BMP8A: variants seen among roughly 807,000 people sequenced by gnomAD.
BMP8A encodes bone morphogenetic protein 8a, also known as BMP-8A.
BMP8A carries 14 observed loss-of-function variants against 36.8 expected under a neutral mutation model. The observed-to-expected ratio is 0.38, with a 90% CI of 0.25 to 0.60. The LOEUF is 0.60. BMP8A is among the 20% of genes least tolerant of loss of function. BMP8A has a pLI of 0.63. For synonymous variants in BMP8A, 120 were observed against 237.7 expected (o/e 0.50, Z 4.55); for missense variants, 267 against 551.1 (o/e 0.48, Z 5.16).
At chr1:39,503,597 C>G (rs1225417538) in intron 1 of BMP8A, among the ~76,000 whole-genome samples, 1 of 145,848 alleles carries the variant, frequency 6.9e-6, no homozygotes, top group East Asian at 2.1e-4. Context: ...TCACTGCAAC[C>G]TCTACCTCCC....
intron 1 of BMP8A, among the ~76,000 whole-genome samples, chr1:39,497,259 G>A (rs760010879): frequency 3.9e-5 from 6 of 152,152 alleles, no homozygotes; most frequent in Non-Finnish European, 8.8e-5. Context: ...TCTTGCGTGT[G>A]CCATTTGGGA....
intron 1 of BMP8A, among the ~76,000 whole-genome samples, chr1:39,501,698 A>C (rs547523295): frequency 6.6e-6 from 1 of 152,138 alleles, no homozygotes; most frequent in Non-Finnish European, 1.5e-5. Context: ...TCCTGGCCTC[A>C]AGTGGTCCTC....
intron 6 of BMP8A, chr1:39,523,841 T>C (rs550946835): frequency 4.9e-6 from 3 of 613,812 alleles, no homozygotes; most frequent in East Asian, 4.6e-5. Context: ...CACAGCCTTA[T>C]GTTTTCCTCT....
In BMP8A at chr1:39,492,132, G is replaced by C. The variant is rs2124293764; in HGVS notation, c.141G>C (p.Glu47Asp). The C allele has an allele frequency of 2.4e-6, 3 of 1,240,004 alleles. No homozygotes were observed. The highest frequency in any genetic ancestry group is 3.0e-6 in the Non-Finnish European group (3 of 994,980). 76.8% of individuals were successfully genotyped at this position (1,240,004 alleles called of 1,614,324 possible). The part of the protein sequence containing the change: ...GARERRDVQR[E>D]ILAVLGLPGR... ...GCGAGCGCCGGGACGTGCAGCGCGA[G>C]ATCCTGGCGGTGCTCGGGCTACCCG... The change falls in exon 1 of 7, where the codon GAG becomes GAC. Residue 47 changes from glutamate (E) to aspartate (D), a missense_variant. Glu to Asp is a conservative substitution (Grantham distance 45, BLOSUM62 2). Transcript: ENST00000331593.
Position 39,504,255 on chromosome 1 carries a change from C to T in BMP8A, c.335-6919C>T, listed in dbSNP as rs190891437. Among the ~76,000 whole-genome samples, 721 of 151,344 alleles carry T rather than the reference C, an allele frequency of 4.8e-3. 10 individuals carry two copies. The highest frequency in any genetic ancestry group is 4.5e-3 in the Non-Finnish European group (302 of 67,800). ...AGGAAGAAAAGTGGGCCCAGGGGAC[C>T]GGCACTCAGCATATGGAGGACCTGC... On this transcript the variant is annotated intron_variant, in intron 1 of 6. Coordinates refer to ENST00000331593, the MANE Select transcript of BMP8A (RefSeq NM_181809.4).
intron 1 of BMP8A, among the ~76,000 whole-genome samples, chr1:39,505,985 C>CAA (rs369981354): frequency 0.16 from 15,180 of 93,828 alleles, 2,800 homozygotes; most frequent in Middle Eastern, 0.25. Context: ...GACCCTGTCT[C>CAA]CAAAAAAAAA....
At position 39,491,884 on chromosome 1, in the gene BMP8A, C is replaced by T; in HGVS notation, c.-108C>T. ...AGGCCGCAGACGCCGCCCGCCGAGCCCCGCCCCCTGCTCGCCGAACTCAGC... is the reference window on the plus strand; with the variant it reads ...AGGCCGCAGACGCCGCCCGCCGAGCTCCGCCCCCTGCTCGCCGAACTCAGC... On this transcript the variant is annotated 5_prime_UTR_variant, in exon 1 of 7. Transcript: ENST00000331593. 1.1e-6 allele frequency: 1 copy of T among 952,102 alleles called. No individual in the cohort carries two copies. Among genetic ancestry groups the T allele is most frequent in the Non-Finnish European group, 1.3e-6 (1 of 790,090 alleles). The allele number at this position is 952,102 out of a possible 1,614,324, so 59.0% of individuals were successfully genotyped here. A position where few individuals can be genotyped will look rare whatever the true frequency, so the allele number is the denominator to read the frequency against.
chr1:39,492,029 T>C lies in BMP8A; in HGVS notation c.38T>C (p.Leu13Pro), dbSNP rs1202600978. The change falls in exon 1 of 7, where the codon CTG becomes CCG. Residue 13 changes from leucine (L) to proline (P), a missense_variant. Physicochemically the swap from Leu to Pro is moderately conservative, Grantham distance 98. This residue lies in a region of BMP8A where 56 missense variants were observed against 74.1 expected (regional missense o/e 0.76). Transcript: ENST00000331593. ...CCCGGACCGCTCTGGCTTCTGGGCCTGACGTTGTGCGCGCTGGGCGGGGGC... is the reference window on the plus strand; with the variant it reads ...CCCGGACCGCTCTGGCTTCTGGGCCCGACGTTGTGCGCGCTGGGCGGGGGC... Reference protein sequence around the residue: ...ARPGPLWLLGLTLCALGGGGP... With the variant: ...ARPGPLWLLGPTLCALGGGGP... The C allele has an allele frequency of 9.1e-7, 1 of 1,095,686 alleles. No homozygotes were observed. Among genetic ancestry groups the C allele is most frequent in the Non-Finnish European group, 1.1e-6 (1 of 902,510 alleles). 67.9% of individuals were successfully genotyped at this position (1,095,686 alleles called of 1,614,324 possible). A position where few individuals can be genotyped will look rare whatever the true frequency, so the allele number is the denominator to read the frequency against.
rs2124292319 is a variant in BMP8A at position 39,491,985 on chromosome 1, G to A, written c.-7G>A. On this transcript the variant is annotated 5_prime_UTR_variant, in exon 1 of 7. Transcript: ENST00000331593. ...GATGTGCGCCCGCTGAGCGCCCCCG[G>A]CCCGCCATGGCCGCGCGCCCCGGAC... is the stretch of plus-strand genomic sequence containing the variant. The A allele has an allele frequency of 9.3e-7, 1 of 1,078,922 alleles. No homozygotes were observed. Among genetic ancestry groups the A allele is most frequent in the Non-Finnish European group, 1.1e-6 (1 of 891,044 alleles). The allele number at this position is 1,078,922 out of a possible 1,614,324, so 66.8% of individuals were successfully genotyped here. A position where few individuals can be genotyped will look rare whatever the true frequency, so the allele number is the denominator to read the frequency against.
At chr1:39,515,444 C>T in intron 3 of BMP8A, 2 of 845,526 alleles carry the variant, frequency 2.4e-6, no homozygotes, top group South Asian at 3.6e-5. Context: ...GCTACGGGAC[C>T]CTGGTCCAGG....
chr1:39,507,053 A>G (rs1645308061), intron 1 of BMP8A, among the ~76,000 whole-genome samples: 3 of 152,218 alleles, frequency 2.0e-5, no homozygotes, highest in Admixed American at 2.0e-4. Flanking sequence ...CCTCAAAAAT[A>G]GGATCACTGT....
chr1:39,510,198 A>C (rs1645340915), intron 1 of BMP8A, among the ~76,000 whole-genome samples: 2 of 129,474 alleles, frequency 1.5e-5, no homozygotes, highest in African/African-American at 2.9e-5. Flanking sequence ...GCCGCAGCAG[A>C]GCTCATGTGC....
At chr1:39,525,382 G>C (rs529520965) in intron 6 of BMP8A, among the ~76,000 whole-genome samples, 1 of 152,244 alleles carries the variant, frequency 6.6e-6, no homozygotes, top group East Asian at 1.9e-4. Flanking sequence ...CCTGGGACTC[G>C]AGGCCCCTCA....
At chr1:39,517,015 G>T (rs187927055) in intron 3 of BMP8A, among the ~76,000 whole-genome samples, 1 of 151,622 alleles carries the variant, frequency 6.6e-6, no homozygotes, top group Non-Finnish European at 1.5e-5. Flanking sequence ...TTGAGGCAGG[G>T]TCTGGCTCTG....
In BMP8A at chr1:39,492,098, TG is replaced by T; in HGVS notation, c.110del (p.Gly37AlafsTer70). 1 of 1,168,938 alleles carries T rather than the reference TG, an allele frequency of 8.6e-7. No homozygotes were observed. Among genetic ancestry groups the T allele is most frequent in the Non-Finnish European group, 1.1e-6 (1 of 950,364 alleles). 72.4% of individuals were successfully genotyped at this position (1,168,938 alleles called of 1,614,324 possible). On this transcript the variant is annotated frameshift_variant, in exon 1 of 7. Coordinates refer to ENST00000331593, the MANE Select transcript of BMP8A (RefSeq NM_181809.4). LOFTEE classifies it high-confidence loss of function. ...RPPPGCPQRR[L>X]GARERRDVQR... The stretch of plus-strand genomic sequence containing the variant: ...CCGCCCGGCTGTCCCCAGCGACGTC[TG>T]GGCGCGCGCGAGCGCCGGGACGTGC...
At chr1:39,499,764 C>T (rs1317671413) in intron 1 of BMP8A, among the ~76,000 whole-genome samples, 2 of 152,192 alleles carry the variant, frequency 1.3e-5, no homozygotes, top group African/African-American at 2.4e-5. Context: ...CCTTTTCTGC[C>T]TCCCATGTGC....
chr1:39,503,480 G>A (rs1475785890), intron 1 of BMP8A, among the ~76,000 whole-genome samples: 2 of 150,832 alleles, frequency 1.3e-5, no homozygotes, highest in African/African-American at 2.4e-5. Context: ...AATTAGCCAG[G>A]CATAGTGGCA....
In BMP8A at chr1:39,525,904, G is replaced by A. The variant is rs148429650; in HGVS notation, c.*106G>A. ...CACAGCTCAAGCAGGAGTGTCAGGG[G>A]CCCTCACTCTCGGTGCCTACTTCCT... On this transcript the variant is annotated 3_prime_UTR_variant, in exon 7 of 7. Coordinates refer to ENST00000331593, the MANE Select transcript of BMP8A (RefSeq NM_181809.4). The A allele has an allele frequency of 3.7e-4, 570 of 1,543,690 alleles. 1 individual carries two copies. Among genetic ancestry groups the A allele is most frequent in the Middle Eastern group, 1.4e-3 (8 of 5,736 alleles).
At chr1:39,504,946 C>T (rs1406982860) in intron 1 of BMP8A, among the ~76,000 whole-genome samples, 1 of 152,164 alleles carries the variant, frequency 6.6e-6, no homozygotes, top group Admixed American at 6.5e-5. Flanking sequence ...TTTGACTTTA[C>T]ACGAACATCT....
Sources: gnomAD v4.1 joint callset for allele counts (sites outside exome capture counted in the v4.1 genomes callset) on GRCh38, gnomAD v4.1.1 for gene constraint, gnomAD v4.1.1 regional missense constraint, MANE v1.5 for transcripts, NCBI Gene and HGNC (gene_info 2026-07-23, HGNC 2026-07-21) for gene names.